The following NEBL variants were observed in gnomAD, a reference collection of about 807,000 sequenced individuals.
The protein encoded by NEBL is nebulette.
Under a neutral mutation model 140.2 loss-of-function variants are expected in NEBL, and 122 were observed. The ratio of observed to expected loss-of-function variants is 0.87; its 90% confidence interval spans 0.75 to 1.01. The LOEUF is 1.01. Among genes scored for constraint, NEBL ranks in the 50% least tolerant of loss-of-function variants. The pLI is 0.00. For synonymous variants in NEBL, 436 were observed against 398.9 expected (o/e 1.09, Z -1.11); for missense variants, 1,365 against 1,231.3 (o/e 1.11, Z -1.62).
intron 3 of NEBL, among the ~76,000 whole-genome samples, chr10:21,206,810 C>T (rs960665744): frequency 4.6e-5 from 7 of 152,038 alleles, no homozygotes; most frequent in African/African-American, 1.7e-4. Flanking sequence ...AATCCCATTC[C>T]TCTGTGGGGA....
At chr10:21,287,284 C>A (rs1314491279) in intron 1 of NEBL, among the ~76,000 whole-genome samples, 1 of 152,082 alleles carries the variant, frequency 6.6e-6, no homozygotes. Context: ...GCCTGTGATC[C>A]CAGAATTTTG....
intron 3 of NEBL, among the ~76,000 whole-genome samples, chr10:20,972,458 A>G (rs1428803659): frequency 1.2e-4 from 18 of 152,170 alleles, no homozygotes; most frequent in Middle Eastern, 3.4e-3. Flanking sequence ...TTAAAAATCA[A>G]TATAGGCCAG....
At chr10:21,285,335 C>T (rs986344849) in intron 1 of NEBL, among the ~76,000 whole-genome samples, 1 of 152,148 alleles carries the variant, frequency 6.6e-6, no homozygotes, top group Non-Finnish European at 1.5e-5. Flanking sequence ...CGAAGTCACC[C>T]CTCTGCTGAC....
At chr10:20,919,108 A>G (rs1389785331) in intron 4 of NEBL, among the ~76,000 whole-genome samples, 1 of 152,176 alleles carries the variant, frequency 6.6e-6, no homozygotes, top group Non-Finnish European at 1.5e-5. Flanking sequence ...AAGCTAAATT[A>G]TGTGCTATCC....
intron 4 of NEBL, among the ~76,000 whole-genome samples, chr10:20,942,828 A>T (rs1254887536): frequency 2.0e-5 from 3 of 152,260 alleles, no homozygotes; most frequent in African/African-American, 7.2e-5. Context: ...GCCAAAAGAC[A>T]CATGAAAAAA....
In NEBL at chr10:20,840,787, T is replaced by G. The variant is rs568441533; in HGVS notation, c.1290A>C (p.Glu430Asp). The change falls in exon 13 of 28, where the codon GAA becomes GAC. Residue 430 changes from glutamate (E) to aspartate (D), a missense_variant. Transcript: ENST00000377122. ...IKGKGMELNS[E>D]VLDIQRAKRA... ...GCTTTGCTCTTTGGATATCAAGAAC[T>G]TCTGAATTAAGTTCCATTCCTTTCC... 6.2e-7 allele frequency: 1 copy of G among 1,611,948 alleles called. No homozygotes were observed. The highest frequency in any genetic ancestry group is 1.3e-5 in the African/African-American group (1 of 74,974).
chr10:21,138,168 C>T (rs1175192125), intron 2 of NEBL, among the ~76,000 whole-genome samples: 1 of 152,096 alleles, frequency 6.6e-6, no homozygotes, highest in Non-Finnish European at 1.5e-5. Flanking sequence ...GAAACCAAAA[C>T]AGTCTTATAT....
At chr10:20,912,372 A>C (rs2131467616) in intron 4 of NEBL, among the ~76,000 whole-genome samples, 1 of 152,298 alleles carries the variant, frequency 6.6e-6, no homozygotes, top group Admixed American at 6.5e-5. Flanking sequence ...GGATCACTTG[A>C]GCCTAGGAGT....
chr10:20,850,524 A>T (rs754342116), intron 10 of NEBL, 22 bp from the exon 11 acceptor site: 1 of 1,492,716 alleles, frequency 6.7e-7, no homozygotes, highest in South Asian at 1.1e-5. Context: ...AAAGAAAAGC[A>T]TATACAAATC....
chr10:21,178,734 A>G (rs1380631229), upstream of NEBL, among the ~76,000 whole-genome samples: 1 of 152,242 alleles, frequency 6.6e-6, no homozygotes, highest in Non-Finnish European at 1.5e-5. Flanking sequence ...TGACATATCA[A>G]AATAAGTCCC....
At chr10:21,023,620 A>C (rs1838890509) in intron 2 of NEBL, among the ~76,000 whole-genome samples, 1 of 152,106 alleles carries the variant, frequency 6.6e-6, no homozygotes, top group African/African-American at 2.4e-5. Context: ...GCTGGAACCC[A>C]GGAGGCGGAG....
At chr10:20,949,633 A>AT (rs1034305026) in intron 4 of NEBL, among the ~76,000 whole-genome samples, 12 of 152,064 alleles carry the variant, frequency 7.9e-5, no homozygotes, top group African/African-American at 1.4e-4. Context: ...TAAGATACTG[A>AT]TTTTTTTTAA....
intron 2 of NEBL, among the ~76,000 whole-genome samples, chr10:21,156,596 G>A (rs1029392648): frequency 1.3e-4 from 19 of 151,226 alleles, no homozygotes; most frequent in Non-Finnish European, 2.4e-4. Flanking sequence ...TGCTGCCTTC[G>A]TGCTTTTTTT....
chr10:21,236,955 C>T (rs760748036), intron 3 of NEBL, among the ~76,000 whole-genome samples: 1 of 152,120 alleles, frequency 6.6e-6, no homozygotes, highest in African/African-American at 2.4e-5. Context: ...ACCAAGGCAT[C>T]GGTTAGTAAC....
At chr10:21,273,663 G>A (rs1179722018) in intron 1 of NEBL, among the ~76,000 whole-genome samples, 1 of 152,236 alleles carries the variant, frequency 6.6e-6, no homozygotes, top group Non-Finnish European at 1.5e-5. Context: ...GCCTGGCAGA[G>A]AGCAGCACAT....
intron 4 of NEBL, among the ~76,000 whole-genome samples, chr10:20,942,958 T>G (rs1440964927): frequency 2.0e-5 from 3 of 152,108 alleles, no homozygotes; most frequent in Non-Finnish European, 2.9e-5. Flanking sequence ...GGAGAGGATG[T>G]GGAGAAATAG....
Position 20,808,637 on chromosome 10 carries a change from TCGCCTATAGTGA to T in NEBL, c.2622_2633del (p.Ser874_Arg877del), listed in dbSNP as rs776591485. The T allele has an allele frequency of 1.2e-6, 2 of 1,613,478 alleles. No homozygotes were observed. Among genetic ancestry groups the T allele is most frequent in the Non-Finnish European group, 1.7e-6 (2 of 1,179,476 alleles). ...TGCTGGAATGGGATCGAGACCAGTG[TCGCCTATAGTGA>T]CTCGCCTTTTCTATATTGGAGGGAA... On this transcript the variant is annotated inframe_deletion, in exon 26 of 28. Transcript: ENST00000377122.
At chr10:20,814,737 A>G (rs1838552425) in intron 22 of NEBL, among the ~76,000 whole-genome samples, 1 of 152,150 alleles carries the variant, frequency 6.6e-6, no homozygotes, top group Admixed American at 6.5e-5. Flanking sequence ...TTCTACCATA[A>G]GAGTGTTAAA....
intron 3 of NEBL, among the ~76,000 whole-genome samples, chr10:20,999,528 G>A (rs192020309): frequency 8.5e-5 from 13 of 152,336 alleles, no homozygotes; most frequent in East Asian, 1.9e-4. Context: ...GAGCCCAGGA[G>A]GTTGAGGCTG....
Sources: gnomAD v4.1 joint callset for allele counts (sites outside exome capture counted in the v4.1 genomes callset) on GRCh38, gnomAD v4.1.1 for gene constraint, MANE v1.5 for transcripts, NCBI Gene and HGNC (gene_info 2026-07-23, HGNC 2026-07-21) for gene names.